Variants in SLCO1B1 observed in about 807,000 individuals in gnomAD.
The protein encoded by SLCO1B1 is OATP-2.
SLCO1B1 carries 81 observed loss-of-function variants against 70.1 expected under a neutral mutation model. The ratio of observed to expected loss-of-function variants is 1.16; its 90% confidence interval spans 0.97 to 1.39. The LOEUF (loss-of-function observed/expected upper bound fraction) is 1.39, where lower values mean the gene tolerates loss of function less well. Ranked by LOEUF, SLCO1B1 falls within the 40% of genes most tolerant of loss-of-function variation. SLCO1B1 has a pLI of 0.00. For missense variants in SLCO1B1, 895 were observed against 799.6 expected, an observed-to-expected ratio of 1.12 and a Z score of -1.44; for synonymous variants, 283 against 271.5, an observed-to-expected ratio of 1.04 and a Z score of -0.42.
In SLCO1B1 at chr12:21,238,045, C is replaced by T. The variant is rs181244616; in HGVS notation, c.1866-934C>T. On this transcript the variant is annotated intron_variant, in intron 14 of 14. Transcript: ENST00000256958. ...ATTTTTTAAAAATGTTTCTTTTGCT[C>T]CTTTTCTCTTTGTTTTCCTTCTAAC... Among the ~76,000 whole-genome samples the T allele has an allele frequency of 2.4e-3, 359 of 152,168 alleles. 3 individuals are homozygous for T. The Middle Eastern group carries it at 0.041, about 17-fold the overall frequency.
intron 2 of SLCO1B1, among the ~76,000 whole-genome samples, chr12:21,152,533 C>CTTTGTTTTTTTTTTTTTTTT (rs1940485182): frequency 8.7e-5 from 3 of 34,346 alleles, no homozygotes; most frequent in African/African-American, 1.1e-4. Flanking sequence ...AGAGGAGAGG[C>CTTTGTTTTTTTTTTTTTTTT]TTTTTTTTTT....
chr12:21,161,195 T>C (rs1940614077), intron 2 of SLCO1B1, among the ~76,000 whole-genome samples: 3 of 152,116 alleles, frequency 2.0e-5, no homozygotes, highest in African/African-American at 7.2e-5. Context: ...CATTCTACTA[T>C]AAAGACACAG....
At chr12:21,143,342 T>C (rs960181121) in intron 2 of SLCO1B1, among the ~76,000 whole-genome samples, 3 of 152,052 alleles carry the variant, frequency 2.0e-5, no homozygotes, top group African/African-American at 7.2e-5. Flanking sequence ...AATTTCTTAA[T>C]TTTCTGTATT....
At chr12:21,187,062 G>A (rs1940970711) in intron 7 of SLCO1B1, among the ~76,000 whole-genome samples, 1 of 152,118 alleles carries the variant, frequency 6.6e-6, no homozygotes. Flanking sequence ...ATATCTGCAT[G>A]AGCAGGTTTT....
Position 21,217,030 on chromosome 12 carries a change from T to C in SLCO1B1, c.1498-89T>C, listed in dbSNP as rs4149071. 0.14 allele frequency: 130,243 copies of C among 958,026 alleles called. 11,431 individuals carry two copies. Among genetic ancestry groups the C allele is most frequent in the African/African-American group, 0.31 (18,989 of 61,228 alleles). The allele number at this position is 958,026 out of a possible 1,614,324, so 59.3% of individuals were successfully genotyped here. A position where few individuals can be genotyped will look rare whatever the true frequency, so the allele number is the denominator to read the frequency against. On this transcript the variant is annotated intron_variant, in intron 11 of 14. Coordinates refer to ENST00000256958, the MANE Select transcript of SLCO1B1 (RefSeq NM_006446.5). Reference sequence around the variant, plus strand: ...CTGTAAATATATTAGTTTGAACAAGTGAGACTTCACTAAATATAATGCAAT... The same window carrying C: ...CTGTAAATATATTAGTTTGAACAAGCGAGACTTCACTAAATATAATGCAAT...
Position 21,239,075 on chromosome 12 carries a change from A to G in SLCO1B1, c.1962A>G (p.Lys654=), listed in dbSNP as rs1357181094. ...CCATGAAGAAAAAATATCAAGAGAA[A>G]GATATCAATGCATCAGAAAATGGAA... ...IYAMKKKYQE[K]DINASENGSV... is the part of the protein sequence containing the mutation. Residue 654 remains lysine, a synonymous_variant, in exon 15 of 15, where the codon AAA becomes AAG. Coordinates refer to ENST00000256958, the MANE Select transcript of SLCO1B1 (RefSeq NM_006446.5). 2.5e-6 allele frequency: 4 copies of G among 1,595,986 alleles called. No individual in the cohort carries two copies.
chr12:21,176,762 T>A lies in SLCO1B1; in HGVS notation c.360-14T>A. The A allele has an allele frequency of 1.3e-6, 2 of 1,515,248 alleles. No homozygotes were observed. Among genetic ancestry groups the A allele is most frequent in the South Asian group, 1.1e-5 (1 of 89,318 alleles). The allele number at this position is 1,515,248 out of a possible 1,614,324, so 93.9% of individuals were successfully genotyped here. A position where few individuals can be genotyped will look rare whatever the true frequency, so the allele number is the denominator to read the frequency against. On this transcript the variant is annotated splice_polypyrimidine_tract_variant and intron_variant, in intron 4 of 14. Transcript: ENST00000256958. Reference sequence around the variant, plus strand: ...TAGATAAGCAAAATGTTTAATTCAGTGATGTTCTTACAGTTACAGGTATTC... The same window carrying A: ...TAGATAAGCAAAATGTTTAATTCAGAGATGTTCTTACAGTTACAGGTATTC...
intron 2 of SLCO1B1, among the ~76,000 whole-genome samples, chr12:21,167,154 C>T (rs1940695793): frequency 6.6e-6 from 1 of 152,076 alleles, no homozygotes; most frequent in Admixed American, 6.5e-5. Flanking sequence ...AAACAAAAAA[C>T]ATGGTAGAGA....
intron 2 of SLCO1B1, among the ~76,000 whole-genome samples, chr12:21,152,708 A>C (rs1338426372): frequency 1.3e-5 from 2 of 151,866 alleles, no homozygotes; most frequent in Non-Finnish European, 2.9e-5. Context: ...CCCTTCGGTC[A>C]GTTAGGCTCT....
chr12:21,217,967 T>C (rs769679376), intron 12 of SLCO1B1, among the ~76,000 whole-genome samples: 3 of 152,192 alleles, frequency 2.0e-5, no homozygotes, highest in Non-Finnish European at 2.9e-5. Context: ...TTATAAATTG[T>C]TCTGAGTCCT....
At chr12:21,213,482 C>T (rs1229870832) in intron 11 of SLCO1B1, among the ~76,000 whole-genome samples, 4 of 146,602 alleles carry the variant, frequency 2.7e-5, no homozygotes, top group East Asian at 4.1e-4. Flanking sequence ...ACCTTTCTCT[C>T]TGGCTGCCCT....
At chr12:21,187,060 A>T (rs147379326) in intron 7 of SLCO1B1, among the ~76,000 whole-genome samples, 1 of 152,166 alleles carries the variant, frequency 6.6e-6, no homozygotes, top group African/African-American at 2.4e-5. Context: ...GCATATCTGC[A>T]TGAGCAGGTT....
At chr12:21,149,221 C>A (rs1940433143) in intron 2 of SLCO1B1, among the ~76,000 whole-genome samples, 1 of 152,118 alleles carries the variant, frequency 6.6e-6, no homozygotes. Flanking sequence ...TTATTTATTT[C>A]TCTTGCCTGA....
At chr12:21,238,236 C>T (rs1334273432) in intron 14 of SLCO1B1, among the ~76,000 whole-genome samples, 1 of 151,990 alleles carries the variant, frequency 6.6e-6, no homozygotes, top group African/African-American at 2.4e-5. Context: ...CTAATAAGCC[C>T]ATCAAAGGCA....
chr12:21,184,507 C>G (rs1940942053), intron 7 of SLCO1B1, among the ~76,000 whole-genome samples: 1 of 152,070 alleles, frequency 6.6e-6, no homozygotes, highest in South Asian at 2.1e-4. Context: ...TTTAATATCC[C>G]ACCAAATTAA....
chr12:21,156,854 C>T (rs1940550760), intron 2 of SLCO1B1, among the ~76,000 whole-genome samples: 1 of 152,184 alleles, frequency 6.6e-6, no homozygotes, highest in Admixed American at 6.5e-5. Flanking sequence ...CAACTCTCTT[C>T]CTGCTCTTCG....
intron 2 of SLCO1B1, among the ~76,000 whole-genome samples, chr12:21,152,233 T>A (rs1940480215): frequency 6.6e-6 from 1 of 152,050 alleles, no homozygotes; most frequent in South Asian, 2.1e-4. Context: ...ATTTTTTTAA[T>A]GAAATTTTTA....
At chr12:21,203,280 A>C (rs894131080) in intron 10 of SLCO1B1, among the ~76,000 whole-genome samples, 2 of 152,110 alleles carry the variant, frequency 1.3e-5, no homozygotes, top group Admixed American at 6.6e-5. Flanking sequence ...AATATTCTAT[A>C]TATAATTGCA....
intron 7 of SLCO1B1, among the ~76,000 whole-genome samples, chr12:21,186,033 A>G (rs904551703): frequency 6.6e-6 from 1 of 152,070 alleles, no homozygotes; most frequent in African/African-American, 2.4e-5. Context: ...ATAACAAGTT[A>G]TCAAATTGAA....
Sources: gnomAD v4.1 joint callset for allele counts (sites outside exome capture counted in the v4.1 genomes callset) on GRCh38, gnomAD v4.1.1 for gene constraint, MANE v1.5 for transcripts, NCBI Gene and HGNC (gene_info 2026-07-23, HGNC 2026-07-21) for gene names.